TNFAIP3: variants seen among roughly 807,000 people sequenced by gnomAD.
The protein encoded by TNFAIP3 is tumor necrosis factor alpha-induced protein 3.
TNFAIP3 carries 9 observed loss-of-function variants against 72.4 expected under a neutral mutation model. The ratio of observed to expected loss-of-function variants is 0.12; its 90% CI spans 0.07 to 0.22. TNFAIP3 has a LOEUF of 0.22. Ranked by LOEUF, TNFAIP3 falls within the 10% of genes least tolerant of loss-of-function variation. The pLI, the probability that TNFAIP3 is intolerant of heterozygous loss-of-function variation, is 1.00. For synonymous variants in TNFAIP3, 339 were observed against 372.6 expected (o/e 0.91, Z 1.04); for missense variants, 833 against 1,018.7 (o/e 0.82, Z 2.48).
chr6:137,878,840 C>T lies in TNFAIP3; in HGVS notation c.1395C>T (p.Pro465=). 6.2e-7 allele frequency: 1 copy of T among 1,614,196 alleles called. No homozygotes were observed. The highest frequency in any genetic ancestry group is 8.5e-7 in the Non-Finnish European group (1 of 1,180,042). ...CTCATTCGGCCCCACCGACAGCACC[C>T]AGCCCTTTTCTGTTCAGTGAGACCA... ...GGPHSAPPTA[P]SPFLFSETTA... Residue 465 remains proline, a synonymous_variant, in exon 7 of 9, where the codon CCC becomes CCT. Coordinates refer to ENST00000612899, the MANE Select transcript of TNFAIP3 (RefSeq NM_001270508.2).
At chr6:137,875,301 G>A (rs1032226887) in intron 3 of TNFAIP3, among the ~76,000 whole-genome samples, 1 of 152,156 alleles carries the variant, frequency 6.6e-6, no homozygotes, top group African/African-American at 2.4e-5. Context: ...CTGGTGTTTT[G>A]TTGTTTTTCA....
intron 6 of TNFAIP3, 104 bp downstream of exon 6, chr6:137,877,360 C>A: frequency 9.9e-7 from 1 of 1,014,046 alleles, no homozygotes; most frequent in Non-Finnish European, 1.4e-6. Context: ...GAGTGATTTG[C>A]GGCCAGTTTC....
At position 137,877,238 on chromosome 6, in the gene TNFAIP3, A is replaced by G. The variant is rs765877219; in HGVS notation, c.968A>G (p.His323Arg). The G allele has an allele frequency of 6.2e-7, 1 of 1,610,806 alleles. No homozygotes were observed. Among genetic ancestry groups the G allele is most frequent in the Admixed American group, 1.7e-5 (1 of 59,276 alleles). The change falls in exon 6 of 9, where the codon CAT becomes CGT. Residue 323 changes from histidine (H) to arginine (R), a missense_variant. Coordinates refer to ENST00000612899, the MANE Select transcript of TNFAIP3 (RefSeq NM_001270508.2). Reference sequence around the variant, plus strand: ...CAAGGCTGGGACCATGGCACAACTCATCTCATCAATGCCGCAAAGTAAGCA... The same window carrying G: ...CAAGGCTGGGACCATGGCACAACTCGTCTCATCAATGCCGCAAAGTAAGCA... ...PVQGWDHGTT[H>R]LINAAKLDEA...
At position 137,882,359 on chromosome 6, in the gene TNFAIP3, A is replaced by T. The variant is rs1475160288; in HGVS notation, c.*1040A>T. The T allele has an allele frequency of 4.3e-6, 1 of 232,286 alleles. No homozygotes were observed. The highest frequency in any genetic ancestry group is 2.2e-5 in the African/African-American group (1 of 45,276). The allele number at this position is 232,286 out of a possible 1,614,324, so 14.4% of individuals were successfully genotyped here. A position where few individuals can be genotyped will look rare whatever the true frequency, so the allele number is the denominator to read the frequency against. On this transcript the variant is annotated 3_prime_UTR_variant, in exon 9 of 9. Coordinates refer to ENST00000612899, the MANE Select transcript of TNFAIP3 (RefSeq NM_001270508.2). ...ATTATTTAAGTGAAGATATTTCTTC[A>T]GCTCTGGGGAAAATGCCACAGTGTT...
At chr6:137,876,436 C>T (rs1020514282) in intron 5 of TNFAIP3, among the ~76,000 whole-genome samples, 4 of 152,108 alleles carry the variant, frequency 2.6e-5, no homozygotes, top group Non-Finnish European at 2.9e-5. Context: ...AGCAAGTAAA[C>T]GCCTGTCAGG....
intron 5 of TNFAIP3, 164 bp downstream of exon 5, chr6:137,876,330 A>G (rs886309749): frequency 1.6e-6 from 1 of 631,470 alleles, no homozygotes. Context: ...AGCAGTAATC[A>G]TAATACCCTC....
At chr6:137,876,379 A>C in intron 5 of TNFAIP3, 1 of 504,362 alleles carries the variant, frequency 2.0e-6, no homozygotes. Flanking sequence ...ACTTTCATAC[A>C]TGATAAATTA....
intron 7 of TNFAIP3, among the ~76,000 whole-genome samples, chr6:137,879,556 C>T (rs895118403): frequency 2.6e-5 from 4 of 152,230 alleles, no homozygotes; most frequent in Non-Finnish European, 5.9e-5. Flanking sequence ...ATTACAGCAG[C>T]TCCTAATATC....
chr6:137,871,207 T>C lies in TNFAIP3; in HGVS notation c.-15-6T>C, dbSNP rs2114456723. 6.3e-7 allele frequency: 1 copy of C among 1,581,970 alleles called. No homozygotes were observed. The highest frequency in any genetic ancestry group is 1.4e-5 in the African/African-American group (1 of 72,994). On this transcript the variant is annotated splice_region_variant and splice_polypyrimidine_tract_variant and intron_variant, in intron 1 of 8. Transcript: ENST00000612899. The surrounding 1 kb of genome is among the most constrained non-coding windows in gnomAD (Gnocchi z 4.2). The stretch of plus-strand genomic sequence containing the variant: ...AATGGCTTTTTTTTTTTCCTTTCCT[T>C]TTCAGGTGTTGGAGAGCACAATGGC...
intron 8 of TNFAIP3, 36 bp downstream of exon 8, chr6:137,880,288 G>A (rs1258542165): frequency 6.2e-7 from 1 of 1,610,940 alleles, no homozygotes; most frequent in East Asian, 2.2e-5. Context: ...TCCCTCCCGT[G>A]TGTTCGATGC....
In TNFAIP3 at chr6:137,881,235, G is replaced by C. The variant is rs1646695009; in HGVS notation, c.2289G>C (p.Arg763=). ...APEDPPKQRC[R]APACDHFGNA... is the part of the protein sequence containing the mutation. ...AAGACCCCCCCAAGCAGCGTTGCCGGGCCCCCGCCTGTGATCATTTTGGCA... is the reference window on the plus strand; with the variant it reads ...AAGACCCCCCCAAGCAGCGTTGCCGCGCCCCCGCCTGTGATCATTTTGGCA... The change falls in exon 9 of 9, where the codon CGG becomes CGC. Residue 763 remains arginine (R), a synonymous_variant. Transcript: ENST00000612899. This position sits in a 1 kb window ranked among gnomAD's most constrained non-coding sequence, Gnocchi z 5.0. 6.2e-7 allele frequency: 1 copy of C among 1,602,960 alleles called. No individual in the cohort carries two copies. Among genetic ancestry groups the C allele is most frequent in the Non-Finnish European group, 8.5e-7 (1 of 1,174,598 alleles).
intron 5 of TNFAIP3, among the ~76,000 whole-genome samples, chr6:137,876,667 G>A (rs1429872740): frequency 6.6e-6 from 1 of 152,178 alleles, no homozygotes; most frequent in African/African-American, 2.4e-5. Flanking sequence ...TTATTTTACT[G>A]CATTTTTATC....
At chr6:137,880,284 C>T (rs1286087472) in intron 8 of TNFAIP3, 32 bp downstream of exon 8, 1 of 1,611,046 alleles carries the variant, frequency 6.2e-7, no homozygotes, top group South Asian at 1.1e-5. Flanking sequence ...TCCCTCCCTC[C>T]CGTGTGTTCG....
At chr6:137,873,720 G>A (rs999304898) in intron 2 of TNFAIP3, among the ~76,000 whole-genome samples, 1 of 152,130 alleles carries the variant, frequency 6.6e-6, no homozygotes, top group African/African-American at 2.4e-5. Flanking sequence ...CAAGACACAA[G>A]GCTTGGGCGA....
chr6:137,874,725 C>G (rs1776177137), intron 2 of TNFAIP3, 120 bp from the exon 3 acceptor site: 5 of 923,672 alleles, frequency 5.4e-6, no homozygotes, highest in Non-Finnish European at 6.2e-6. Context: ...GAAATTACAT[C>G]AAATTAAACC....
chr6:137,876,293 T>C, intron 5 of TNFAIP3, 127 bp downstream of exon 5: 1 of 831,530 alleles, frequency 1.2e-6, no homozygotes, highest in Non-Finnish European at 1.9e-6. Context: ...GTTCTGTGAC[T>C]TGCTTGGTTA....
Position 137,883,207 on chromosome 6 carries a change from T to G in TNFAIP3, c.*1888T>G, listed in dbSNP as rs1776517766. On this transcript the variant is annotated 3_prime_UTR_variant, in exon 9 of 9. Transcript: ENST00000612899. ...TATTTGAAATTTGCACATTTAATTGTCCCTAATAGAAAGCCACCTATTCTT... is the reference window on the plus strand; with the variant it reads ...TATTTGAAATTTGCACATTTAATTGGCCCTAATAGAAAGCCACCTATTCTT... The G allele has an allele frequency of 5.0e-6, 1 of 198,610 alleles. No homozygotes were observed. Among genetic ancestry groups the G allele is most frequent in the Non-Finnish European group, 1.0e-5 (1 of 96,578 alleles). The allele number at this position is 198,610 out of a possible 1,614,324, so 12.3% of individuals were successfully genotyped here. A position where few individuals can be genotyped will look rare whatever the true frequency, so the allele number is the denominator to read the frequency against.
At chr6:137,876,208 AAACATC>A (rs1393832337) in intron 5 of TNFAIP3, 42 bp downstream of exon 5, 3 of 1,533,202 alleles carry the variant, frequency 2.0e-6, no homozygotes, top group African/African-American at 2.8e-5. Flanking sequence ...CTAGACACTG[AAACATC>A]AGGGTTTTCC....
At chr6:137,872,014 T>TGAA (rs1252290246) in intron 2 of TNFAIP3, among the ~76,000 whole-genome samples, 1 of 152,242 alleles carries the variant, frequency 6.6e-6, no homozygotes, top group African/African-American at 2.4e-5. Flanking sequence ...GTTGAAGACA[T>TGAA]GAAGAACTTC....
Sources: gnomAD v4.1 joint callset for allele counts (sites outside exome capture counted in the v4.1 genomes callset) on GRCh38, gnomAD v4.1.1 for gene constraint, Gnocchi (gnomAD v3.1) non-coding constraint, MANE v1.5 for transcripts, NCBI Gene and HGNC (gene_info 2026-07-23, HGNC 2026-07-21) for gene names.